KLF12: variants seen among roughly 807,000 people sequenced by gnomAD.
KLF12 encodes the protein Krueppel-like factor 12.
In KLF12, 9 loss-of-function variants were observed where a neutral mutation model predicts 37.8. That is an observed-to-expected ratio of 0.24 (90% CI 0.14 to 0.42). KLF12 has a LOEUF of 0.42. Ranked by LOEUF, KLF12 falls within the 10% of genes least tolerant of loss-of-function variation. The pLI is 1.00. For synonymous variants in KLF12, 208 were observed against 202.1 expected (o/e 1.03, Z -0.25); for missense variants, 411 against 516.0 (o/e 0.80, Z 1.97).
the KLF12 span, among the ~76,000 whole-genome samples, chr13:74,165,937 G>A: frequency 6.6e-6 from 1 of 152,144 alleles, no homozygotes; most frequent in Non-Finnish European, 1.5e-5. Flanking sequence ...AGGGAGGAAA[G>A]ATATAATGAC....
chr13:74,034,729 T>C (rs185519306), intron 1 of KLF12, among the ~76,000 whole-genome samples: 47 of 152,366 alleles, frequency 3.1e-4, no homozygotes, highest in African/African-American at 1.1e-3. Context: ...ACATCTGAAA[T>C]CTTAGAGCAT....
chr13:73,992,927 A>G (rs976863200), intron 2 of KLF12, among the ~76,000 whole-genome samples: 1 of 152,152 alleles, frequency 6.6e-6, no homozygotes, highest in Non-Finnish European at 1.5e-5. Context: ...ATGAAAAATC[A>G]TTTTTTAAAC....
At chr13:73,852,620 T>C (rs1240586257) in intron 3 of KLF12, among the ~76,000 whole-genome samples, 1 of 151,798 alleles carries the variant, frequency 6.6e-6, no homozygotes, top group Non-Finnish European at 1.5e-5. Context: ...CTACTAAAAA[T>C]ACAAAAATTA....
intron 1 of KLF12, among the ~76,000 whole-genome samples, chr13:74,025,927 CATT>C (rs1566508989): frequency 6.6e-6 from 1 of 152,134 alleles, no homozygotes; most frequent in Non-Finnish European, 1.5e-5. Flanking sequence ...AGGCTGAAAA[CATT>C]ATTTGGTAAA....
Position 73,986,897 on chromosome 13 carries a change from C to A in KLF12, c.33+8093G>T, listed in dbSNP as rs547327927. 3.3e-5 allele frequency among the ~76,000 whole-genome samples: 5 copies of A among 152,064 alleles called. No individual in the cohort carries two copies. In the East Asian group the frequency reaches 9.6e-4, roughly 29 times the overall value. On this transcript the variant is annotated intron_variant, in intron 2 of 7. Transcript: ENST00000377669. ...ATACTTTGAGTTTAGCCCAGTGAGA[C>A]CATTGGACTTCTGACCACCAGAACT...
the KLF12 span, among the ~76,000 whole-genome samples, chr13:74,170,433 G>A: frequency 1.3e-5 from 2 of 152,118 alleles, no homozygotes; most frequent in African/African-American, 4.8e-5. Flanking sequence ...ACTTCTTTAA[G>A]AATACAATAC....
At chr13:74,172,049 C>A in the KLF12 span, among the ~76,000 whole-genome samples, 2 of 151,950 alleles carry the variant, frequency 1.3e-5, no homozygotes, top group Non-Finnish European at 2.9e-5. Flanking sequence ...ATACCATTGA[C>A]CCCAGCCAAA....
chr13:73,689,419 TAGCCTC>T lies in KLF12; in HGVS notation c.*6065_*6070del, dbSNP rs1299471539. On this transcript the variant is annotated 3_prime_UTR_variant, in exon 8 of 8. Transcript: ENST00000377669. Reference sequence around the variant, plus strand: ...CTCTCCATGAGTATAATTTTACTGATAGCCTCAGTAGCTTGTTTGGGTGAATTTGTG... The same window carrying T: ...CTCTCCATGAGTATAATTTTACTGATAGTAGCTTGTTTGGGTGAATTTGTG... 2.2e-4 allele frequency: 33 copies of T among 152,206 alleles called. No individual in the cohort carries two copies. The highest frequency in any genetic ancestry group is 2.2e-3 in the Admixed American group (33 of 15,272). The allele number at this position is 152,206 out of a possible 1,614,324, so 9.4% of individuals were successfully genotyped here.
At chr13:73,739,890 T>C (rs542827403) in intron 6 of KLF12, among the ~76,000 whole-genome samples, 3 of 152,372 alleles carry the variant, frequency 2.0e-5, no homozygotes, top group African/African-American at 7.2e-5. Flanking sequence ...TAATTTCCAA[T>C]TCCAAATCAC....
chr13:73,877,633 T>A (rs1396378655), intron 3 of KLF12, among the ~76,000 whole-genome samples: 1 of 152,218 alleles, frequency 6.6e-6, no homozygotes, highest in African/African-American at 2.4e-5. Flanking sequence ...GTTTTCTTTG[T>A]AAACTGATGT....
intron 4 of KLF12, among the ~76,000 whole-genome samples, chr13:73,830,289 T>C (rs947716297): frequency 6.6e-6 from 1 of 152,176 alleles, no homozygotes. Flanking sequence ...TGACATATCA[T>C]GATACCAACA....
intron 2 of KLF12, among the ~76,000 whole-genome samples, chr13:73,957,594 C>G (rs549103595): frequency 6.6e-6 from 1 of 152,306 alleles, no homozygotes; most frequent in South Asian, 2.1e-4. Flanking sequence ...ATCCTTGGCT[C>G]TACATCAGAT....
chr13:73,907,218 T>C (rs956944055), intron 3 of KLF12, among the ~76,000 whole-genome samples: 3 of 152,200 alleles, frequency 2.0e-5, no homozygotes, highest in Non-Finnish European at 2.9e-5. Context: ...TCTTTATTCA[T>C]TGGAGCATAT....
At chr13:74,002,460 G>A (rs770330868) in intron 1 of KLF12, among the ~76,000 whole-genome samples, 2 of 152,018 alleles carry the variant, frequency 1.3e-5, no homozygotes, top group South Asian at 2.1e-4. Context: ...CTGCAGCCTC[G>A]ACCACCCCAG....
At chr13:73,872,692 A>G (rs1039329843) in intron 3 of KLF12, among the ~76,000 whole-genome samples, 1 of 152,230 alleles carries the variant, frequency 6.6e-6, no homozygotes, top group Non-Finnish European at 1.5e-5. Flanking sequence ...GCCAGAATCT[A>G]TTCTAACTGA....
intron 5 of KLF12, among the ~76,000 whole-genome samples, chr13:73,784,494 T>TA (rs57545627): frequency 0.38 from 57,544 of 151,586 alleles, 11,137 homozygotes; most frequent in East Asian, 0.57. Flanking sequence ...AGTGCGAACT[T>TA]ACTTCAGTAA....
intron 4 of KLF12, among the ~76,000 whole-genome samples, chr13:73,840,691 T>C (rs1374382935): frequency 1.3e-5 from 2 of 152,186 alleles, no homozygotes. Context: ...TCAACGATTT[T>C]TGTAAAAGGT....
At chr13:74,129,973 T>C (rs971291700) in intron 1 of KLF12, among the ~76,000 whole-genome samples, 3 of 152,200 alleles carry the variant, frequency 2.0e-5, no homozygotes, top group Admixed American at 2.0e-4. Context: ...TAAAAATGAA[T>C]TCTGGCGGGT....
At chr13:73,845,673 T>C (rs1884972613) in intron 4 of KLF12, among the ~76,000 whole-genome samples, 154 bp downstream of exon 4, 1 of 152,228 alleles carries the variant, frequency 6.6e-6, no homozygotes, top group Non-Finnish European at 1.5e-5. Context: ...CTCTAAACTG[T>C]GTTCTACTTA....
Sources: allele counts gnomAD v4.1 joint callset (sites outside exome capture counted in the v4.1 genomes callset), GRCh38; gene constraint gnomAD v4.1.1; transcripts MANE v1.5; gene names NCBI Gene and HGNC (gene_info 2026-07-23, HGNC 2026-07-21).